Variants in PCNX2 observed in about 807,000 individuals in gnomAD.
The protein encoded by PCNX2 is pecanex 2.
In PCNX2, 168 loss-of-function variants were observed where a neutral mutation model predicts 223.8. The ratio of observed to expected loss-of-function variants is 0.75; its 90% CI spans 0.66 to 0.85. The LOEUF is 0.85. PCNX2 is among the 40% of genes least tolerant of loss of function. The probability of loss-of-function intolerance (pLI) is 0.00; values close to 1 mark genes in which losing one functional copy is unlikely to be tolerated. For missense variants in PCNX2, 2,507 were observed against 2,675.5 expected (o/e 0.94, Z 1.39); for synonymous variants, 1,006 against 1,052.6 (o/e 0.96, Z 0.86).
rs761289983 is a variant in PCNX2, at chr1:233,139,721, C to T, written c.3652G>A (p.Gly1218Ser). 1 of 1,600,692 alleles carries T rather than the reference C, an allele frequency of 6.2e-7. No individual in the cohort carries two copies. ...AFLISNHRRL[G>S]THWDIFLMII... ...AAACCATTAACCACTTACTGGGTACCAAGTCTCCGGTGATTGCTTATTAAA... is the reference window on the plus strand; with the variant it reads ...AAACCATTAACCACTTACTGGGTACTAAGTCTCCGGTGATTGCTTATTAAA... Residue 1218 changes from glycine to serine, a missense_variant, in exon 20 of 34, where the codon GGT (glycine) becomes AGT (serine). Around this residue, in one of 3 missense-constraint regions of PCNX2, gnomAD observed 1,372 missense variants for 1,509.4 expected, o/e 0.91. Coordinates refer to ENST00000258229, the MANE Select transcript of PCNX2 (RefSeq NM_014801.4). This position sits in a 1 kb window ranked among gnomAD's most constrained non-coding sequence, Gnocchi z 4.4.
At chr1:233,104,442 T>G (rs1188309153) in intron 21 of PCNX2, among the ~76,000 whole-genome samples, 2 of 152,056 alleles carry the variant, frequency 1.3e-5, no homozygotes, top group Non-Finnish European at 2.9e-5. Context: ...TACATAATGA[T>G]GAAAGGAGAG....
At chr1:233,096,332 G>A (rs1674162815) in intron 21 of PCNX2, among the ~76,000 whole-genome samples, 1 of 152,190 alleles carries the variant, frequency 6.6e-6, no homozygotes, top group African/African-American at 2.4e-5. Context: ...AGAAAGCTAA[G>A]ACAGGATATG....
At chr1:233,018,992 C>T (rs1485538879) in intron 26 of PCNX2, 2 of 985,222 alleles carry the variant, frequency 2.0e-6, no homozygotes, top group South Asian at 9.4e-5. Flanking sequence ...TCTAGGGGGG[C>T]CCCCACCCTC....
intron 15 of PCNX2, among the ~76,000 whole-genome samples, chr1:233,183,190 T>A (rs1448151836): frequency 6.6e-6 from 1 of 152,184 alleles, no homozygotes; most frequent in East Asian, 1.9e-4. Context: ...CCCTTCAAGA[T>A]GCTACCGGCA....
the PCNX2 span, among the ~76,000 whole-genome samples, chr1:233,322,799 A>G: frequency 2.0e-5 from 3 of 151,972 alleles, no homozygotes; most frequent in Admixed American, 1.3e-4. Context: ...TGATCTCTGC[A>G]TGACCCAAGA....
At chr1:232,995,936 C>T (rs971227773) in intron 32 of PCNX2, among the ~76,000 whole-genome samples, 2 of 152,156 alleles carry the variant, frequency 1.3e-5, no homozygotes, top group South Asian at 2.1e-4. Context: ...CGGCTCACTG[C>T]TACCTCCGCC....
chr1:233,200,338 T>A, intron 13 of PCNX2, 74 bp from the exon 14 acceptor site: 4 of 899,870 alleles, frequency 4.4e-6, no homozygotes, highest in East Asian at 3.2e-5. Flanking sequence ...CAGTGCTGTC[T>A]CTCTCCCCTT....
At chr1:233,320,888 G>C in the PCNX2 span, among the ~76,000 whole-genome samples, 13 of 152,060 alleles carry the variant, frequency 8.5e-5, no homozygotes, top group Non-Finnish European at 1.6e-4. Flanking sequence ...CATATTAGCA[G>C]CTAAAAGCTT....
chr1:233,227,172 T>C, intron 10 of PCNX2, 54 bp downstream of exon 10: 1 of 1,527,704 alleles, frequency 6.5e-7, no homozygotes, highest in African/African-American at 1.4e-5. Context: ...CAGTGGGCAC[T>C]GTCACGTCCC....
intron 4 of PCNX2, 56 bp from the exon 5 acceptor site, chr1:233,259,400 G>A (rs963507050): frequency 1.3e-6 from 2 of 1,497,986 alleles, no homozygotes; most frequent in East Asian, 2.4e-5. Flanking sequence ...TAATGCCCAA[G>A]AGCAAGACCT....
At chr1:233,228,137 G>C (rs1399884387) in intron 9 of PCNX2, among the ~76,000 whole-genome samples, 1 of 152,126 alleles carries the variant, frequency 6.6e-6, no homozygotes, top group African/African-American at 2.4e-5. Context: ...TAACAGTGAG[G>C]TCCCAGATGA....
intron 27 of PCNX2, 55 bp from the exon 28 acceptor site, chr1:233,014,832 A>G: frequency 7.2e-7 from 1 of 1,386,036 alleles, no homozygotes; most frequent in East Asian, 2.3e-5. Context: ...ATGTACCAAC[A>G]CACAGGCATA....
At chr1:233,229,069 G>C (rs1490769008) in intron 9 of PCNX2, among the ~76,000 whole-genome samples, 1 of 152,102 alleles carries the variant, frequency 6.6e-6, no homozygotes, top group Non-Finnish European at 1.5e-5. Context: ...TTATACATGG[G>C]CAGACAGCAC....
At chr1:233,178,739 G>T (rs1352197317) in intron 16 of PCNX2, among the ~76,000 whole-genome samples, 1 of 152,166 alleles carries the variant, frequency 6.6e-6, no homozygotes, top group Non-Finnish European at 1.5e-5. Flanking sequence ...TGTTGAGGAG[G>T]CAGCTTCTTA....
At chr1:233,130,778 C>A (rs1056960533) in intron 21 of PCNX2, among the ~76,000 whole-genome samples, 9 of 151,626 alleles carry the variant, frequency 5.9e-5, no homozygotes, top group Non-Finnish European at 1.2e-4. Context: ...CCACTGTGCC[C>A]GGCACCCCCC....
At chr1:233,265,060 A>G (rs1043081546) in intron 1 of PCNX2, among the ~76,000 whole-genome samples, 3 of 151,064 alleles carry the variant, frequency 2.0e-5, no homozygotes, top group African/African-American at 7.3e-5. Context: ...CAACATAGTG[A>G]GACCCCCCCT....
At chr1:233,029,075 T>C (rs942651717) in intron 25 of PCNX2, among the ~76,000 whole-genome samples, 1 of 152,172 alleles carries the variant, frequency 6.6e-6, no homozygotes, top group Non-Finnish European at 1.5e-5. Context: ...CCTGACCTTG[T>C]GATCCACCCA....
intron 23 of PCNX2, among the ~76,000 whole-genome samples, chr1:233,072,691 T>C (rs956955205): frequency 1.3e-5 from 2 of 152,220 alleles, no homozygotes; most frequent in African/African-American, 4.8e-5. Context: ...ATATAATCTA[T>C]CATATTAATT....
At chr1:233,304,804 A>G in the PCNX2 span, among the ~76,000 whole-genome samples, 1 of 152,178 alleles carries the variant, frequency 6.6e-6, no homozygotes, top group Non-Finnish European at 1.5e-5. Context: ...TGTTCCCCCA[A>G]ATGACAGGTC....
Sources: allele counts gnomAD v4.1 joint callset (sites outside exome capture counted in the v4.1 genomes callset), GRCh38; gene constraint gnomAD v4.1.1; regional missense constraint gnomAD v4.1.1; non-coding constraint Gnocchi (gnomAD v3.1); transcripts MANE v1.5; gene names NCBI Gene and HGNC (gene_info 2026-07-23, HGNC 2026-07-21).